The following PARD3B variants were observed in gnomAD, a reference collection of about 807,000 sequenced individuals.
PARD3B encodes the protein par-3 family cell polarity regulator beta.
In PARD3B, 103 loss-of-function variants were observed where a neutral mutation model predicts 130.2. The observed-to-expected ratio is 0.79, with a 90% CI of 0.67 to 0.93. The LOEUF (loss-of-function observed/expected upper bound fraction) is 0.93. Ranked by LOEUF, PARD3B falls within the 40% of genes least tolerant of loss-of-function variation. PARD3B has a pLI of 0.00. For missense variants in PARD3B, 1,609 were observed against 1,499.2 expected (o/e 1.07, Z -1.21); for synonymous variants, 583 against 553.2 (o/e 1.05, Z -0.76).
At chr2:204,628,235 G>A (rs2216318) in intron 1 of PARD3B, among the ~76,000 whole-genome samples, 106,194 of 151,436 alleles carry the variant, frequency 0.7, 38,124 homozygotes, top group Middle Eastern at 0.78. Context: ...AGATCATCTT[G>A]GAAAATGCCA....
At chr2:204,779,713 G>A (rs1010344056) in intron 2 of PARD3B, among the ~76,000 whole-genome samples, 1 of 152,168 alleles carries the variant, frequency 6.6e-6, no homozygotes, top group Non-Finnish European at 1.5e-5. Context: ...GGGTTGTGAG[G>A]CTAGTAAGTG....
intron 4 of PARD3B, among the ~76,000 whole-genome samples, chr2:205,068,861 T>G (rs1700550940): frequency 6.6e-6 from 1 of 152,184 alleles, no homozygotes; most frequent in Non-Finnish European, 1.5e-5. Flanking sequence ...TTAATTGCAT[T>G]GTATACAGAT....
intron 1 of PARD3B, among the ~76,000 whole-genome samples, chr2:204,586,092 C>T (rs1330613983): frequency 2.6e-5 from 4 of 152,216 alleles, no homozygotes. Flanking sequence ...CAGTAGCTCC[C>T]CTGTAGAGCT....
intron 2 of PARD3B, among the ~76,000 whole-genome samples, chr2:204,703,914 C>A (rs901997350): frequency 4.6e-5 from 7 of 151,894 alleles, no homozygotes; most frequent in Non-Finnish European, 8.8e-5. Context: ...CTTAAAAATT[C>A]AAGGAAGTTA....
chr2:204,553,593 C>CATATATATGG (rs1553540322), intron 1 of PARD3B, among the ~76,000 whole-genome samples: 6 of 115,948 alleles, frequency 5.2e-5, no homozygotes, highest in East Asian at 2.3e-4. Flanking sequence ...AGGCTATATA[C>CATATATATGG]ATATATATGT....
intron 5 of PARD3B, 144 bp from the exon 6 acceptor site, chr2:205,113,347 C>A: frequency 4.2e-6 from 2 of 471,296 alleles, no homozygotes; most frequent in Non-Finnish European, 7.5e-6. Flanking sequence ...AAATTATGTA[C>A]TCTTTTGACT....
At chr2:205,540,230 A>C (rs1467187012) in intron 21 of PARD3B, among the ~76,000 whole-genome samples, 10 of 144,748 alleles carry the variant, frequency 6.9e-5, no homozygotes, top group Non-Finnish European at 7.6e-5. Flanking sequence ...AGAGCATAAT[A>C]AAAAAAAAAA....
At chr2:205,062,996 G>T (rs1210798893) in intron 4 of PARD3B, among the ~76,000 whole-genome samples, 1 of 151,882 alleles carries the variant, frequency 6.6e-6, no homozygotes, top group Non-Finnish European at 1.5e-5. Flanking sequence ...GAGGGGGTTT[G>T]CTTGGAAATT....
chr2:205,011,327 C>T lies in PARD3B; in HGVS notation c.395-36254C>T, dbSNP rs1695696541. On this transcript the variant is annotated intron_variant, in intron 3 of 22. Transcript: ENST00000406610. The surrounding 1 kb of genome is among the most constrained non-coding windows in gnomAD (Gnocchi z 4.1). ...TCTCAAGGATGGGTCAGAGGGCTCA[C>T]TCCTCAGCTCACATGTGTGGGTGCT... is the stretch of plus-strand genomic sequence containing the variant. Among the ~76,000 whole-genome samples, 1 of 152,160 alleles carries T rather than the reference C, an allele frequency of 6.6e-6. No homozygotes were observed.
At chr2:205,419,475 G>T (rs935714463) in intron 19 of PARD3B, among the ~76,000 whole-genome samples, 2 of 152,084 alleles carry the variant, frequency 1.3e-5, no homozygotes, top group African/African-American at 4.8e-5. Context: ...AAAAATGGTG[G>T]AGCAAATTGA....
Position 205,589,065 on chromosome 2 carries a change from A to G in PARD3B, c.3261-26391A>G, listed in dbSNP as rs1433178952. On this transcript the variant is annotated intron_variant, in intron 22 of 22. Transcript: ENST00000406610. This position sits in a 1 kb window ranked among gnomAD's most constrained non-coding sequence, Gnocchi z 4.1. ...CACACCAGGAGGCTGAGGCAGGTGG[A>G]TCCTTTGAATCCAGGAGTTTCAGAC... Among the ~76,000 whole-genome samples, 1 of 152,224 alleles carries G rather than the reference A, an allele frequency of 6.6e-6. No homozygotes were observed. The highest frequency in any genetic ancestry group is 1.5e-5 in the Non-Finnish European group (1 of 68,034).
Position 204,679,626 on chromosome 2 carries a change from C to T in PARD3B, c.121-6555C>T, listed in dbSNP as rs550447285. ...TTTGCATATTTTCATTAGACTCATTCATAAGTATTTGATTTTATGCTATTG... is the reference window on the plus strand; with the variant it reads ...TTTGCATATTTTCATTAGACTCATTTATAAGTATTTGATTTTATGCTATTG... On this transcript the variant is annotated intron_variant, in intron 1 of 22. Transcript: ENST00000406610. Among the ~76,000 whole-genome samples, 5 of 151,926 alleles carry T rather than the reference C, an allele frequency of 3.3e-5. No homozygotes were observed. The South Asian group carries it at 6.2e-4, about 19-fold the overall frequency.
At chr2:205,512,352 A>C (rs1037378524) in intron 21 of PARD3B, among the ~76,000 whole-genome samples, 3 of 152,216 alleles carry the variant, frequency 2.0e-5, no homozygotes, top group Non-Finnish European at 2.9e-5. Context: ...AGAAGAAAGA[A>C]TATAATGTTG....
rs920452051 is a variant in PARD3B at position 205,619,624 on chromosome 2, T to C, written c.*3811T>C. 18 of 152,052 alleles carry C rather than the reference T, an allele frequency of 1.2e-4. No individual in the cohort carries two copies. Among genetic ancestry groups the C allele is most frequent in the Admixed American group, 8.5e-4 (13 of 15,262 alleles). The allele number at this position is 152,052 out of a possible 1,614,324, so 9.4% of individuals were successfully genotyped here. A position where few individuals can be genotyped will look rare whatever the true frequency, so the allele number is the denominator to read the frequency against. On this transcript the variant is annotated 3_prime_UTR_variant, in exon 23 of 23. Coordinates refer to ENST00000406610, the MANE Select transcript of PARD3B (RefSeq NM_001302769.2). ...ACCAGAAAGAGGAGTCGCCTTAAGG[T>C]ATCCCTACAAAGTCACCTTTCTGAT... is the stretch of plus-strand genomic sequence containing the variant.
At chr2:205,569,164 A>G (rs1425966988) in intron 22 of PARD3B, among the ~76,000 whole-genome samples, 1 of 143,110 alleles carries the variant, frequency 7.0e-6, no homozygotes, top group Non-Finnish European at 1.6e-5. Flanking sequence ...TCTCATGTTT[A>G]TTAGAATCCT....
intron 10 of PARD3B, among the ~76,000 whole-genome samples, chr2:205,131,868 T>G (rs1297868023): frequency 2.0e-5 from 3 of 152,174 alleles, no homozygotes; most frequent in African/African-American, 4.8e-5. Context: ...GGATATCTAT[T>G]AAGAGCTTAT....
At chr2:204,915,861 C>G (rs2047421990) in intron 2 of PARD3B, among the ~76,000 whole-genome samples, 1 of 152,112 alleles carries the variant, frequency 6.6e-6, no homozygotes. Flanking sequence ...AATTGCTTGT[C>G]TCAAAGCATT....
chr2:205,026,287 C>T (rs570699758), intron 3 of PARD3B, among the ~76,000 whole-genome samples: 155 of 152,152 alleles, frequency 1.0e-3, no homozygotes, highest in African/African-American at 3.4e-3. Flanking sequence ...AGATAGAGAG[C>T]CAAGGAGGCC....
intron 2 of PARD3B, among the ~76,000 whole-genome samples, chr2:204,804,265 C>A (rs1295609344): frequency 6.6e-6 from 1 of 151,754 alleles, no homozygotes; most frequent in South Asian, 2.1e-4. Context: ...ACACAGTTTA[C>A]CTATAAAGAT....
Sources: gnomAD v4.1 joint callset for allele counts (sites outside exome capture counted in the v4.1 genomes callset) on GRCh38, gnomAD v4.1.1 for gene constraint, Gnocchi (gnomAD v3.1) non-coding constraint, MANE v1.5 for transcripts, NCBI Gene and HGNC (gene_info 2026-07-23, HGNC 2026-07-21) for gene names.